Variants in GALNT13 observed in about 807,000 individuals in gnomAD.
GALNT13 encodes the protein polypeptide N-acetylgalactosaminyltransferase 13.
Under a neutral mutation model 64.2 loss-of-function variants are expected in GALNT13, and 28 were observed. The observed-to-expected ratio is 0.44, with a 90% CI of 0.32 to 0.60. GALNT13 has a LOEUF of 0.60. Ranked by LOEUF, GALNT13 falls within the 20% of genes least tolerant of loss-of-function variation. GALNT13 has a pLI of 0.05. For synonymous variants in GALNT13, 214 were observed against 224.6 expected, an observed-to-expected ratio of 0.95 and a Z score of 0.42; for missense variants, 577 against 669.8, an observed-to-expected ratio of 0.86 and a Z score of 1.53.
At chr2:154,288,418 C>G (rs1692403746) in intron 8 of GALNT13, among the ~76,000 whole-genome samples, 1 of 152,114 alleles carries the variant, frequency 6.6e-6, no homozygotes, top group Non-Finnish European at 1.5e-5. Context: ...CAAAACCAAT[C>G]ATGCCTTCCC....
chr2:153,705,737 T>C, the GALNT13 span, among the ~76,000 whole-genome samples: 1 of 152,200 alleles, frequency 6.6e-6, no homozygotes, highest in African/African-American at 2.4e-5. Context: ...GCAAGTCACA[T>C]GTTCCAGACA....
intron 9 of GALNT13, among the ~76,000 whole-genome samples, chr2:154,367,936 GATA>G (rs1297812871): frequency 6.6e-6 from 1 of 152,118 alleles, no homozygotes; most frequent in African/African-American, 2.4e-5. Flanking sequence ...TATGATTTAT[GATA>G]ATAGAGATTC....
At chr2:153,308,481 A>G in the GALNT13 span, among the ~76,000 whole-genome samples, 2 of 152,104 alleles carry the variant, frequency 1.3e-5, no homozygotes, top group African/African-American at 2.4e-5. Context: ...CCTATGTTCA[A>G]TTTTCTCAGA....
the GALNT13 span, among the ~76,000 whole-genome samples, chr2:153,842,548 G>T: frequency 6.6e-6 from 1 of 151,798 alleles, no homozygotes. Context: ...CTAAATGAAG[G>T]TCATCTATTT....
the GALNT13 span, among the ~76,000 whole-genome samples, chr2:153,307,024 A>G: frequency 3.9e-5 from 6 of 152,220 alleles, no homozygotes; most frequent in Non-Finnish European, 7.3e-5. Context: ...GCATGAGCCA[A>G]CGCACCCAGC....
the GALNT13 span, among the ~76,000 whole-genome samples, chr2:153,434,970 C>T: frequency 2.0e-5 from 3 of 152,052 alleles, no homozygotes; most frequent in Non-Finnish European, 4.4e-5. Context: ...TAGGTCTAAC[C>T]TGTAAGTCTT....
intron 3 of GALNT13, among the ~76,000 whole-genome samples, chr2:154,021,905 G>T (rs1484584070): frequency 6.6e-6 from 1 of 151,750 alleles, no homozygotes; most frequent in Non-Finnish European, 1.5e-5. Context: ...AGAGTTTTTA[G>T]CATGAAGGGT....
At chr2:153,239,026 T>C in the GALNT13 span, among the ~76,000 whole-genome samples, 1 of 152,100 alleles carries the variant, frequency 6.6e-6, no homozygotes, top group Non-Finnish European at 1.5e-5. Context: ...CCTTCAATGT[T>C]TTATAGTTTT....
intron 2 of GALNT13, among the ~76,000 whole-genome samples, chr2:153,924,943 T>C (rs1263898031): frequency 1.3e-5 from 2 of 152,192 alleles, no homozygotes; most frequent in Non-Finnish European, 2.9e-5. Context: ...TCCTTATAGA[T>C]GTTAGGTATT....
At chr2:153,798,698 C>T in the GALNT13 span, among the ~76,000 whole-genome samples, 18 of 152,038 alleles carry the variant, frequency 1.2e-4, no homozygotes, top group Non-Finnish European at 1.8e-4. Context: ...GTGTTGTATA[C>T]GGAGAAATTA....
chr2:154,161,493 G>A (rs1328413988), intron 4 of GALNT13, among the ~76,000 whole-genome samples: 8 of 152,120 alleles, frequency 5.3e-5, no homozygotes, highest in Non-Finnish European at 8.8e-5. Context: ...GTGGGTGGCT[G>A]AGACAGATGG....
chr2:153,361,373 G>T, the GALNT13 span, among the ~76,000 whole-genome samples: 2 of 152,118 alleles, frequency 1.3e-5, no homozygotes, highest in Middle Eastern at 6.8e-3. Flanking sequence ...TGAGATAAAT[G>T]AATTGACAGA....
At chr2:154,454,809 T>C (rs1257316930), downstream of GALNT13, among the ~76,000 whole-genome samples, 1 of 152,180 alleles carries the variant, frequency 6.6e-6, no homozygotes, top group East Asian at 1.9e-4. Context: ...AAGCATCATT[T>C]GGCAAACTGG....
chr2:153,595,282 G>A, the GALNT13 span, among the ~76,000 whole-genome samples: 1 of 151,040 alleles, frequency 6.6e-6, no homozygotes, highest in South Asian at 2.1e-4. Flanking sequence ...ACTCAAAGTA[G>A]ATAATAGAGA....
chr2:153,428,380 C>T, the GALNT13 span, among the ~76,000 whole-genome samples: 4 of 152,068 alleles, frequency 2.6e-5, no homozygotes, highest in African/African-American at 9.7e-5. Context: ...GCACCACATG[C>T]TTTTAAAGAA....
At chr2:153,311,184 A>T in the GALNT13 span, among the ~76,000 whole-genome samples, 6 of 152,230 alleles carry the variant, frequency 3.9e-5, no homozygotes, top group Admixed American at 6.5e-5. Context: ...ATACAATCTT[A>T]GAAGTTCATA....
chr2:154,283,013 C>T (rs1255766634), intron 8 of GALNT13, among the ~76,000 whole-genome samples: 1 of 152,120 alleles, frequency 6.6e-6, no homozygotes, highest in African/African-American at 2.4e-5. Flanking sequence ...GAGAAAAATG[C>T]CTACTGTAAC....
the GALNT13 span, among the ~76,000 whole-genome samples, chr2:153,826,544 C>G: frequency 9.2e-5 from 14 of 152,274 alleles, no homozygotes; most frequent in South Asian, 2.1e-4. Context: ...CCTGGTATTA[C>G]CTGTCAAATA....
intron 4 of GALNT13, among the ~76,000 whole-genome samples, chr2:154,144,619 C>T (rs1308773971): frequency 6.6e-6 from 1 of 152,020 alleles, no homozygotes; most frequent in Non-Finnish European, 1.5e-5. Context: ...TACCTTTAAA[C>T]TATTTTGGCT....
Sources: gnomAD v4.1 joint callset for allele counts (sites outside exome capture counted in the v4.1 genomes callset) on GRCh38, gnomAD v4.1.1 for gene constraint, MANE v1.5 for transcripts, NCBI Gene and HGNC (gene_info 2026-07-23, HGNC 2026-07-21) for gene names.